Variants in CGB7 observed in about 807,000 individuals in gnomAD.
The protein encoded by CGB7 is choriogonadotropin subunit beta 7.
Under a neutral mutation model 7.3 loss-of-function variants are expected in CGB7, and 6 were observed. That is an observed-to-expected ratio of 0.82 (90% CI 0.45 to 1.62). The LOEUF (loss-of-function observed/expected upper bound fraction) is 1.62. Ranked by LOEUF, CGB7 falls within the 40% of genes most tolerant of loss-of-function variation. The pLI is 0.01. For missense variants in CGB7, 114 were observed against 236.2 expected (o/e 0.48, Z 3.39); for synonymous variants, 47 against 100.8 (o/e 0.47, Z 3.20).
chr19:49,055,269 C>T (rs370951196), intron 3 of CGB7, 92 bp downstream of exon 3: 35 of 1,606,726 alleles, frequency 2.2e-5, no homozygotes, highest in Middle Eastern at 2.2e-4. Flanking sequence ...CAGAAAGAGG[C>T]GTCCTTCCAC....
rs1331612409 is a variant in CGB7 at position 49,054,399 on chromosome 19, A to G, written c.390T>C (p.Cys130=). The change falls in exon 5 of 5, where the codon TGT becomes TGC. Residue 130 remains cysteine, a synonymous_variant. Coordinates refer to ENST00000684222, the MANE Select transcript of CGB7 (RefSeq NM_001385261.1). ...CGGPKDHPLT[C]DDPRFQASSS... The stretch of plus-strand genomic sequence containing the variant: ...AGGAGGCCTGGAAGCGGGGGTCATC[A>G]CAGGTCAAGGGGTGGTCCTTGGGAC... 3 of 1,604,122 alleles carry G rather than the reference A, an allele frequency of 1.9e-6. No homozygotes were observed. Among genetic ancestry groups the G allele is most frequent in the Admixed American group, 1.7e-5 (1 of 58,388 alleles).
rs1169923580 is a variant in CGB7 at position 49,057,506 on chromosome 19, A to C, written c.-1393T>G. Reference sequence around the variant, plus strand: ...CCTGCTGGTCAAGGAACTCAAATGCAGGCCCCCAGCCACCACAAAATCCCC... The same window carrying C: ...CCTGCTGGTCAAGGAACTCAAATGCCGGCCCCCAGCCACCACAAAATCCCC... On this transcript the variant is annotated 5_prime_UTR_variant, in exon 1 of 5. Coordinates refer to ENST00000684222, the MANE Select transcript of CGB7 (RefSeq NM_001385261.1). 2.4e-6 allele frequency: 3 copies of C among 1,233,972 alleles called. No homozygotes were observed. The Admixed American group carries it at 1.2e-4, about 48-fold the overall frequency. The allele number at this position is 1,233,972 out of a possible 1,614,324, so 76.4% of individuals were successfully genotyped here.
chr19:49,056,602 G>T lies in CGB7; in HGVS notation c.-1220-7C>A, dbSNP rs555860508. The stretch of plus-strand genomic sequence containing the variant: ...GTATCCGGACGGCTCCGTCCTGTGG[G>T]AGCAGGGCGGGATGGTGAGGATACA... On this transcript the variant is annotated splice_polypyrimidine_tract_variant and splice_region_variant and intron_variant, in intron 2 of 4. Coordinates refer to ENST00000684222, the MANE Select transcript of CGB7 (RefSeq NM_001385261.1). The T allele has an allele frequency of 7.1e-6, 9 of 1,276,376 alleles. No individual in the cohort carries two copies. The African/African-American group carries it at 1.1e-4, about 15-fold the overall frequency. The allele number at this position is 1,276,376 out of a possible 1,614,324, so 79.1% of individuals were successfully genotyped here.
chr19:49,055,554 C>G lies in CGB7; in HGVS notation c.-179G>C, dbSNP rs530551098. The G allele has an allele frequency of 3.2e-6, 5 of 1,539,540 alleles. No individual in the cohort carries two copies. In the Admixed American group the frequency reaches 9.9e-5, roughly 31 times the overall value. ...CTCAGCGGAGCACCCCAGTCCTCTC[C>G]CCTCAGTGGTCTAGCGCCAAGGATG... On this transcript the variant is annotated 5_prime_UTR_variant, in exon 3 of 5. Coordinates refer to ENST00000684222, the MANE Select transcript of CGB7 (RefSeq NM_001385261.1).
rs993962182 is a variant in CGB7 at position 49,056,189 on chromosome 19, C to G, written c.-814G>C. On this transcript the variant is annotated 5_prime_UTR_variant, in exon 3 of 5. Coordinates refer to ENST00000684222, the MANE Select transcript of CGB7 (RefSeq NM_001385261.1). ...GTGCGAGCCCACCTAGGTCCGACAC[C>G]GCGTAGTGAGCGGCTGCCCAGAGCT... The G allele has an allele frequency of 2.2e-5, 28 of 1,270,266 alleles. No individual in the cohort carries two copies. The highest frequency in any genetic ancestry group is 2.9e-5 in the Non-Finnish European group (28 of 977,478). The allele number at this position is 1,270,266 out of a possible 1,614,324, so 78.7% of individuals were successfully genotyped here.
intron 3 of CGB7, 174 bp from the exon 4 acceptor site, chr19:49,055,182 C>T (rs2040041312): frequency 1.0e-6 from 1 of 984,952 alleles, no homozygotes; most frequent in African/African-American, 1.8e-5. Context: ...GCCCGAGGGA[C>T]CTGAGATGCC....
At position 49,055,807 on chromosome 19, in the gene CGB7, C is replaced by A; in HGVS notation, c.-432G>T. 2.7e-6 allele frequency: 3 copies of A among 1,095,234 alleles called. No individual in the cohort carries two copies. The South Asian group carries it at 7.9e-5, about 29-fold the overall frequency. 67.8% of individuals were successfully genotyped at this position (1,095,234 alleles called of 1,614,324 possible). On this transcript the variant is annotated 5_prime_UTR_variant, in exon 3 of 5. Coordinates refer to ENST00000684222, the MANE Select transcript of CGB7 (RefSeq NM_001385261.1). Reference sequence around the variant, plus strand: ...ACAGTCCAACCTAACAGGAGGGGCGCGGCTTCGGACTTAGCTTCTGCCCAG... The same window carrying A: ...ACAGTCCAACCTAACAGGAGGGGCGAGGCTTCGGACTTAGCTTCTGCCCAG...
At chr19:49,055,048 A>C in intron 3 of CGB7, 40 bp from the exon 4 acceptor site, 1 of 1,600,848 alleles carries the variant, frequency 6.2e-7, no homozygotes, top group Non-Finnish European at 8.5e-7. Context: ...CTGAGACCAC[A>C]GCCCTGAGCC....
chr19:49,056,591 C>T lies in CGB7; in HGVS notation c.-1216G>A. The T allele has an allele frequency of 7.8e-7, 1 of 1,286,120 alleles. No homozygotes were observed. The highest frequency in any genetic ancestry group is 1.0e-6 in the Non-Finnish European group (1 of 986,056). The allele number at this position is 1,286,120 out of a possible 1,614,324, so 79.7% of individuals were successfully genotyped here. On this transcript the variant is annotated 5_prime_UTR_variant, in exon 3 of 5. Coordinates refer to ENST00000684222, the MANE Select transcript of CGB7 (RefSeq NM_001385261.1). The stretch of plus-strand genomic sequence containing the variant: ...TCCTTGCGGGGGTATCCGGACGGCT[C>T]CGTCCTGTGGGAGCAGGGCGGGATG...
In CGB7 at chr19:49,055,270, G is replaced by C. The variant is rs368078400; in HGVS notation, c.15+91C>G. 758 of 1,606,896 alleles carry C rather than the reference G, an allele frequency of 4.7e-4. 2 individuals are homozygous for C. Among genetic ancestry groups the C allele is most frequent in the African/African-American group, 4.2e-3 (313 of 74,764 alleles). On this transcript the variant is annotated intron_variant, in intron 3 of 4. Transcript: ENST00000684222. ...GGGTCACGCTCCTCCAGAAAGAGGC[G>C]TCCTTCCACAGCTCACACTGGTCTG...
rs761591473 is a variant in CGB7 at position 49,054,947 on chromosome 19, C to T, written c.77G>A (p.Arg26Gln). 6.0e-6 allele frequency: 9 copies of T among 1,495,058 alleles called. 1 individual carries two copies. The highest frequency in any genetic ancestry group is 1.2e-5 in the South Asian group (1 of 84,200). 92.6% of individuals were successfully genotyped at this position (1,495,058 alleles called of 1,614,324 possible). The change falls in exon 4 of 5, where the codon CGG (arginine) becomes CAG (glutamine). Residue 26 changes from arginine to glutamine, a missense_variant. By Grantham distance (43) the Arg-to-Gln change is conservative (BLOSUM62 1). Coordinates refer to ENST00000684222, the MANE Select transcript of CGB7 (RefSeq NM_001385261.1). The part of the protein sequence containing the change: ...GGTWASREML[R>Q]PRCRPINATL... ...GGCATTGATGGGGCGGCACCGTGGC[C>T]GAAGCATCTCCCTGGATGCCCATGT...
At position 49,054,936 on chromosome 19, in the gene CGB7, G is replaced by A. The variant is rs1363991175; in HGVS notation, c.88C>T (p.Arg30Cys). 24 of 1,568,380 alleles carry A rather than the reference G, an allele frequency of 1.5e-5. 3 individuals carry two copies. Among genetic ancestry groups the A allele is most frequent in the South Asian group, 4.5e-5 (4 of 88,432 alleles). ...ACAGCCAGGGTGGCATTGATGGGGC[G>A]GCACCGTGGCCGAAGCATCTCCCTG... is the stretch of plus-strand genomic sequence containing the variant. ...ASREMLRPRCRPINATLAVEK... is the reference protein window; with the variant it reads ...ASREMLRPRCCPINATLAVEK... Residue 30 changes from arginine to cysteine, a missense_variant, in exon 4 of 5, where the codon CGC becomes TGC. Coordinates refer to ENST00000684222, the MANE Select transcript of CGB7 (RefSeq NM_001385261.1).
In CGB7 at chr19:49,057,595, C is replaced by G. The variant is rs549411967; in HGVS notation, c.-1482G>C. ...CACTGGAGCTGAGCTGCATCTTGGGCAACAACTCCAGGTTACCTCTCCTAA... is the reference window on the plus strand; with the variant it reads ...CACTGGAGCTGAGCTGCATCTTGGGGAACAACTCCAGGTTACCTCTCCTAA... On this transcript the variant is annotated 5_prime_UTR_variant, in exon 1 of 5. Coordinates refer to ENST00000684222, the MANE Select transcript of CGB7 (RefSeq NM_001385261.1). 305 of 1,167,932 alleles carry G rather than the reference C, an allele frequency of 2.6e-4. 1 individual carries two copies. In the African/African-American group the frequency reaches 4.4e-3, roughly 17 times the overall value. 72.3% of individuals were successfully genotyped at this position (1,167,932 alleles called of 1,614,324 possible).
In CGB7 at chr19:49,057,659, C is replaced by T; in HGVS notation, c.-1546G>A. The T allele has an allele frequency of 8.2e-7, 1 of 1,219,112 alleles. No homozygotes were observed. The highest frequency in any genetic ancestry group is 2.1e-5 in the South Asian group (1 of 48,072). The allele number at this position is 1,219,112 out of a possible 1,614,324, so 75.5% of individuals were successfully genotyped here. On this transcript the variant is annotated 5_prime_UTR_variant, in exon 1 of 5. Transcript: ENST00000684222. ...ACGTCTCAGAATATTCTAGTCTCCT[C>T]CCCACCCACAGCCCGCCGTCTAGCT...
In CGB7 at chr19:49,056,483, T is replaced by A. The variant is rs539743747; in HGVS notation, c.-1108A>T. 2.3e-5 allele frequency: 30 copies of A among 1,301,342 alleles called. 1 individual carries two copies. The South Asian group carries it at 3.3e-4, about 14-fold the overall frequency. 80.6% of individuals were successfully genotyped at this position (1,301,342 alleles called of 1,614,324 possible). A position where few individuals can be genotyped will look rare whatever the true frequency, so the allele number is the denominator to read the frequency against. ...CCGCCGTGCGGCGCTCGAGGCGGCC[T>A]GGAAGAGCAGAGACAGGGCTGCCGC... On this transcript the variant is annotated 5_prime_UTR_variant, in exon 3 of 5. Transcript: ENST00000684222.
At position 49,054,978 on chromosome 19, in the gene CGB7, C is replaced by T; in HGVS notation, c.46G>A (p.Gly16Ser). The change falls in exon 4 of 5, where the codon GGC (glycine) becomes AGC (serine). Residue 16 changes from glycine (G) to serine (S), a missense_variant. Gly to Ser is a moderately conservative substitution (Grantham distance 56). Around this residue, in one of 3 missense-constraint regions of CGB7, gnomAD observed 58 missense variants for 91.7 expected, o/e 0.63. Coordinates refer to ENST00000684222, the MANE Select transcript of CGB7 (RefSeq NM_001385261.1). ...ATCTCCCTGGATGCCCATGTCCCGC[C>T]CATGCTCAGCAGCAGCAACAGCAGC... ...GLLLLLLLSM[G>S]GTWASREMLR... 6.2e-7 allele frequency: 1 copy of T among 1,601,588 alleles called. No individual in the cohort carries two copies. The highest frequency in any genetic ancestry group is 1.1e-5 in the South Asian group (1 of 90,538).
At chr19:49,055,226 C>T in intron 3 of CGB7, 135 bp downstream of exon 3, 2 of 1,596,746 alleles carry the variant, frequency 1.3e-6, no homozygotes, top group Non-Finnish European at 1.7e-6. Context: ...CAGGAACTGC[C>T]CCACGTGAAG....
rs1460816836 is a variant in CGB7 at position 49,057,674 on chromosome 19, G to C, written c.-1561C>G. 2 of 1,231,592 alleles carry C rather than the reference G, an allele frequency of 1.6e-6. No individual in the cohort carries two copies. The highest frequency in any genetic ancestry group is 2.0e-6 in the Non-Finnish European group (2 of 981,860). 76.3% of individuals were successfully genotyped at this position (1,231,592 alleles called of 1,614,324 possible). A position where few individuals can be genotyped will look rare whatever the true frequency, so the allele number is the denominator to read the frequency against. On this transcript the variant is annotated 5_prime_UTR_variant, in exon 1 of 5. Coordinates refer to ENST00000684222, the MANE Select transcript of CGB7 (RefSeq NM_001385261.1). The stretch of plus-strand genomic sequence containing the variant: ...CTAGTCTCCTCCCCACCCACAGCCC[G>C]CCGTCTAGCTCCGCAGCAGCTTAGG...
chr19:49,057,309 C>A lies in CGB7; in HGVS notation c.-1348-61G>T, dbSNP rs991832437. ...ATAGATTTCATACCCCATCCCAAGT[C>A]CTGGGTCCCGAGTTCAGAATCCCTC... On this transcript the variant is annotated intron_variant, in intron 1 of 4. Coordinates refer to ENST00000684222, the MANE Select transcript of CGB7 (RefSeq NM_001385261.1). 3.2e-5 allele frequency: 48 copies of A among 1,485,786 alleles called. 1 individual carries two copies. The African/African-American group carries it at 6.1e-4, about 19-fold the overall frequency. The allele number at this position is 1,485,786 out of a possible 1,614,324, so 92.0% of individuals were successfully genotyped here.
Sources: allele counts gnomAD v4.1 joint callset, GRCh38; gene constraint gnomAD v4.1.1; regional missense constraint gnomAD v4.1.1; transcripts MANE v1.5; gene names NCBI Gene and HGNC (gene_info 2026-07-23, HGNC 2026-07-21).